Variants in FBN2 observed in about 807,000 individuals in gnomAD.
FBN2 encodes fibrillin 2.
A neutral mutation model predicts 355.6 loss-of-function variants in FBN2; 105 were observed. The ratio of observed to expected loss-of-function variants is 0.30; its 90% CI spans 0.25 to 0.35. FBN2 has a LOEUF of 0.35. Ranked by LOEUF, FBN2 falls within the 10% of genes least tolerant of loss-of-function variation. The pLI, the probability that FBN2 is intolerant of heterozygous loss-of-function variation, is 1.00. For missense variants in FBN2, 3,280 were observed against 3,758.7 expected, an observed-to-expected ratio of 0.87 and a Z score of 3.33; for synonymous variants, 1,350 against 1,301.2, an observed-to-expected ratio of 1.04 and a Z score of -0.81.
chr5:128,289,793 T>C (rs975484568), intron 51 of FBN2, 89 bp downstream of exon 51: 14 of 780,748 alleles, frequency 1.8e-5, no homozygotes, highest in Non-Finnish European at 2.9e-5. Flanking sequence ...ATATGTTACA[T>C]AGTAAAGTTA....
intron 48 of FBN2, among the ~76,000 whole-genome samples, chr5:128,299,714 C>T (rs1749659809): frequency 6.6e-6 from 1 of 152,120 alleles, no homozygotes; most frequent in South Asian, 2.1e-4. Flanking sequence ...TGACCTGCGC[C>T]CACTGTCTGG....
chr5:128,519,873 A>G (rs1447472152), intron 4 of FBN2, among the ~76,000 whole-genome samples: 1 of 152,088 alleles, frequency 6.6e-6, no homozygotes, highest in Non-Finnish European at 1.5e-5. Flanking sequence ...AAAATCAGAG[A>G]AGAAAAGGAA....
intron 48 of FBN2, among the ~76,000 whole-genome samples, chr5:128,298,000 C>A (rs1042268822): frequency 6.6e-6 from 1 of 151,152 alleles, no homozygotes; most frequent in African/African-American, 2.4e-5. Flanking sequence ...ATGTTTAGCA[C>A]TTCCTTCAGG....
chr5:128,454,818 G>A (rs1231123283), intron 6 of FBN2, among the ~76,000 whole-genome samples: 1 of 152,106 alleles, frequency 6.6e-6, no homozygotes, highest in Non-Finnish European at 1.5e-5. Flanking sequence ...TCAAATATGT[G>A]AATTCCTGTG....
intron 8 of FBN2, 34 bp from the exon 9 acceptor site, chr5:128,395,308 A>T: frequency 6.2e-7 from 1 of 1,612,478 alleles, no homozygotes; most frequent in Non-Finnish European, 8.5e-7. Flanking sequence ...AAGATATGGC[A>T]GAATTACCTC....
chr5:128,435,745 A>G (rs771215345), intron 7 of FBN2, among the ~76,000 whole-genome samples: 10 of 152,220 alleles, frequency 6.6e-5, no homozygotes, highest in Non-Finnish European at 2.9e-5. Flanking sequence ...ATGTTTGAAA[A>G]TAAAATAGAT....
intron 5 of FBN2, among the ~76,000 whole-genome samples, chr5:128,480,122 C>CCT (rs1340859773): frequency 1.8e-4 from 24 of 131,358 alleles, no homozygotes; most frequent in African/African-American, 6.5e-4. Flanking sequence ...ATATATATAT[C>CCT]CTCTCTATAT....
chr5:128,320,062 T>C (rs1750327228), intron 34 of FBN2, among the ~76,000 whole-genome samples: 1 of 152,218 alleles, frequency 6.6e-6, no homozygotes, highest in Admixed American at 6.5e-5. Flanking sequence ...CCAATCATGT[T>C]TAAAGTTTAA....
chr5:128,361,730 G>A lies in FBN2; in HGVS notation c.2547C>T (p.Thr849=), dbSNP rs770789702. 6.2e-7 allele frequency: 1 copy of A among 1,614,110 alleles called. No individual in the cohort carries two copies. The highest frequency in any genetic ancestry group is 1.7e-5 in the Admixed American group (1 of 60,022). ...GATGAAGACAGCTCTTACCTTCACA[G>A]GTCTCTGTCTCAGTCCTGAACACAT... is the stretch of plus-strand genomic sequence containing the variant. The part of the protein sequence containing the change: ...PGYVFRTETE[T]CEDINECESN... Residue 849 remains threonine (T), a synonymous_variant, in exon 19 of 65, where the codon ACC becomes ACT. Coordinates refer to ENST00000262464, the MANE Select transcript of FBN2 (RefSeq NM_001999.4).
chr5:128,387,955 C>A (rs1752410786), intron 11 of FBN2, among the ~76,000 whole-genome samples: 1 of 152,116 alleles, frequency 6.6e-6, no homozygotes, highest in Admixed American at 6.6e-5. Flanking sequence ...TAAAGCCTCT[C>A]ACTATTATTG....
Position 128,286,781 on chromosome 5 carries a change from C to T in FBN2, c.6949G>A (p.Gly2317Ser), listed in dbSNP as rs863223613. The T allele has an allele frequency of 1.5e-5, 24 of 1,613,926 alleles. No homozygotes were observed. The highest frequency in any genetic ancestry group is 1.8e-5 in the Non-Finnish European group (21 of 1,179,946). The change falls in exon 55 of 65, where the codon GGC becomes AGC. Residue 2317 changes from glycine to serine, a missense_variant. By Grantham distance (56) the Gly-to-Ser change is moderately conservative. This residue lies in a region of FBN2 where 2,284 missense variants were observed against 2,749.5 expected (regional missense o/e 0.83). Transcript: ENST00000262464. ...GGAGGGCAGATGCACATGAAGGTGC[C>T]GATTAGATTCTTACACATCATGCCC... is the stretch of plus-strand genomic sequence containing the variant. Reference protein sequence around the residue: ...SRGMMCKNLIGTFMCICPPGM... With the variant: ...SRGMMCKNLISTFMCICPPGM...
chr5:128,402,127 G>A (rs774706146), intron 8 of FBN2, among the ~76,000 whole-genome samples: 6 of 151,924 alleles, frequency 3.9e-5, no homozygotes, highest in African/African-American at 7.3e-5. Flanking sequence ...AAATTTCATG[G>A]CCCTTAGAAA....
At chr5:128,489,284 A>G (rs1369699757) in intron 5 of FBN2, among the ~76,000 whole-genome samples, 1 of 152,228 alleles carries the variant, frequency 6.6e-6, no homozygotes, top group African/African-American at 2.4e-5. Context: ...AATAATGGCA[A>G]TTAAACTTGT....
intron 7 of FBN2, among the ~76,000 whole-genome samples, chr5:128,414,269 A>G (rs1430006505): frequency 6.6e-6 from 1 of 152,160 alleles, no homozygotes; most frequent in African/African-American, 2.4e-5. Flanking sequence ...ATTCCAGCCT[A>G]TTAGCAATCA....
In FBN2 at chr5:128,307,070, T is replaced by C. The variant is rs1749904564; in HGVS notation, c.5422+65A>G. 3.9e-6 allele frequency: 4 copies of C among 1,024,542 alleles called. No homozygotes were observed. In the Admixed American group the frequency reaches 5.1e-5, roughly 13 times the overall value. The allele number at this position is 1,024,542 out of a possible 1,614,324, so 63.5% of individuals were successfully genotyped here. A position where few individuals can be genotyped will look rare whatever the true frequency, so the allele number is the denominator to read the frequency against. On this transcript the variant is annotated intron_variant, in intron 42 of 64. Transcript: ENST00000262464. ...GTGGTACTCTTGAATTTTAAAAACA[T>C]AGAATAGATTTTTACAGAATGCTAC...
At chr5:128,347,135 A>G (rs1751204362) in intron 23 of FBN2, among the ~76,000 whole-genome samples, 2 of 152,232 alleles carry the variant, frequency 1.3e-5, no homozygotes. Flanking sequence ...CTCTGGCCTG[A>G]GTCATACTGT....
rs1354275606 is a variant in FBN2 at position 128,537,527 on chromosome 5, G to A, written c.77C>T (p.Thr26Met). 1.9e-6 allele frequency: 3 copies of A among 1,582,038 alleles called. No individual in the cohort carries two copies. In the African/African-American group the frequency reaches 4.0e-5, roughly 21 times the overall value. Reference sequence around the variant, plus strand: ...CGGAGGAGGCTGAGGCTGGCCGGCCGTGCCCTGCGCCCAGAGCACCACACA... The same window carrying A: ...CGGAGGAGGCTGAGGCTGGCCGGCCATGCCCTGCGCCCAGAGCACCACACA... Reference protein sequence around the residue: ...LGCVVLWAQGTAGQPQPPPPK... With the variant: ...LGCVVLWAQGMAGQPQPPPPK... The change falls in exon 1 of 65, where the codon ACG (threonine) becomes ATG (methionine). Residue 26 changes from threonine to methionine, a missense_variant. Around this residue, in one of 6 missense-constraint regions of FBN2, gnomAD observed 203 missense variants for 142.2 expected, o/e 1.43. Coordinates refer to ENST00000262464, the MANE Select transcript of FBN2 (RefSeq NM_001999.4).
rs1272106842 is a variant in FBN2 at position 128,278,624 on chromosome 5, C to T, written c.7345+11G>A. 3.1e-6 allele frequency: 5 copies of T among 1,611,744 alleles called. No individual in the cohort carries two copies. In the East Asian group the frequency reaches 6.7e-5, roughly 22 times the overall value. On this transcript the variant is annotated intron_variant, in intron 57 of 64. Transcript: ENST00000262464. Reference sequence around the variant, plus strand: ...TGTTGATTATATGAATAAATTTCCTCAACTCCTTACCTCTTCCATCAGTTG... The same window carrying T: ...TGTTGATTATATGAATAAATTTCCTTAACTCCTTACCTCTTCCATCAGTTG...
At chr5:128,476,619 A>C (rs1033937057) in intron 5 of FBN2, among the ~76,000 whole-genome samples, 1 of 152,128 alleles carries the variant, frequency 6.6e-6, no homozygotes. Context: ...AAATAAAAAG[A>C]GCAAAAACTT....
Sources: allele counts gnomAD v4.1 joint callset (sites outside exome capture counted in the v4.1 genomes callset), GRCh38; gene constraint gnomAD v4.1.1; regional missense constraint gnomAD v4.1.1; transcripts MANE v1.5; gene names NCBI Gene and HGNC (gene_info 2026-07-23, HGNC 2026-07-21).